Variants in BAMBI observed in about 807,000 individuals in gnomAD.
The protein encoded by BAMBI is BMP and activin membrane-bound inhibitor homolog.
A neutral mutation model predicts 24.1 loss-of-function variants in BAMBI; 21 were observed. The observed-to-expected ratio is 0.87, with a 90% CI of 0.62 to 1.26. The LOEUF (loss-of-function observed/expected upper bound fraction) is 1.26, where lower values mean the gene tolerates loss of function less well. BAMBI is among the 50% of genes most tolerant of loss of function. BAMBI has a pLI of 0.00. For synonymous variants in BAMBI, 156 were observed against 123.1 expected (o/e 1.27, Z -1.77); for missense variants, 388 against 329.1 (o/e 1.18, Z -1.38).
chr10:28,679,030 A>T lies in BAMBI; in HGVS notation c.76+1057A>T, dbSNP rs73609849. Among the ~76,000 whole-genome samples, 523 of 152,314 alleles carry T rather than the reference A, an allele frequency of 3.4e-3. 4 individuals are homozygous for T. The highest frequency in any genetic ancestry group is 0.012 in the African/African-American group (510 of 41,566). On this transcript the variant is annotated intron_variant, in intron 1 of 2. Transcript: ENST00000375533. ...CCCTACTTCTCTTTAATTGCTATGT[A>T]GCAGGCATGAGGTTAAAGCATAAGC...
intron 1 of BAMBI, among the ~76,000 whole-genome samples, chr10:28,678,571 G>C (rs1320898372): frequency 6.6e-6 from 1 of 152,100 alleles, no homozygotes; most frequent in Non-Finnish European, 1.5e-5. Context: ...CTGATCTTGA[G>C]TGTGTCTTTC....
chr10:28,682,718 C>T lies in BAMBI; in HGVS notation c.*317C>T, dbSNP rs770672471. ...AAAATGTGCCCTATGTAAGCTTCTA[C>T]ATCTTGATTTATTGTAAAGATTTAA... On this transcript the variant is annotated 3_prime_UTR_variant, in exon 3 of 3. Transcript: ENST00000375533. 3.0e-5 allele frequency: 7 copies of T among 231,814 alleles called. No individual in the cohort carries two copies. Among genetic ancestry groups the T allele is most frequent in the African/African-American group, 6.8e-5 (3 of 44,334 alleles). The allele number at this position is 231,814 out of a possible 1,614,324, so 14.4% of individuals were successfully genotyped here. A position where few individuals can be genotyped will look rare whatever the true frequency, so the allele number is the denominator to read the frequency against.
Position 28,677,788 on chromosome 10 carries a change from G to A in BAMBI, c.-110G>A, listed in dbSNP as rs909311238. 1 of 704,630 alleles carries A rather than the reference G, an allele frequency of 1.4e-6. No individual in the cohort carries two copies. The highest frequency in any genetic ancestry group is 1.9e-6 in the Non-Finnish European group (1 of 523,738). The allele number at this position is 704,630 out of a possible 1,614,324, so 43.6% of individuals were successfully genotyped here. A position where few individuals can be genotyped will look rare whatever the true frequency, so the allele number is the denominator to read the frequency against. On this transcript the variant is annotated 5_prime_UTR_variant, in exon 1 of 3. Transcript: ENST00000375533. ...GAAACCCAGCCCCGCCGCTGACGGC[G>A]CCCGCCGCTCCGGGCAGGGCCCATG... is the stretch of plus-strand genomic sequence containing the variant.
chr10:28,681,207 C>G, intron 1 of BAMBI, 51 bp from the exon 2 acceptor site: 1 of 1,571,134 alleles, frequency 6.4e-7, no homozygotes, highest in Non-Finnish European at 8.6e-7. Context: ...TAAATAGTTG[C>G]TTTATCTGGT....
intron 1 of BAMBI, among the ~76,000 whole-genome samples, chr10:28,680,588 T>C (rs184868701): frequency 3.5e-4 from 54 of 152,300 alleles, no homozygotes; most frequent in South Asian, 1.0e-3. Context: ...TGAAAGAAAT[T>C]GACTTTGGCA....
Position 28,681,534 on chromosome 10 carries a change from G to C in BAMBI, c.353G>C (p.Gly118Ala). 6.2e-7 allele frequency: 1 copy of C among 1,613,628 alleles called. No individual in the cohort carries two copies. Among genetic ancestry groups the C allele is most frequent in the Middle Eastern group, 1.6e-4 (1 of 6,062 alleles). The change falls in exon 2 of 3, where the codon GGT becomes GCT. Residue 118 changes from glycine to alanine, a missense_variant. Coordinates refer to ENST00000375533, the MANE Select transcript of BAMBI (RefSeq NM_012342.3). ...CACGATGTTCTCTCTCCTCCCAGGG[G>C]TGAGGCCTCAGGTAGGTGGAAGCCG... ...GLHDVLSPPR[G>A]EASGQGNRYQ...
intron 1 of BAMBI, among the ~76,000 whole-genome samples, chr10:28,678,968 A>G (rs571497536): frequency 6.6e-6 from 1 of 150,430 alleles, no homozygotes; most frequent in East Asian, 2.0e-4. Context: ...TGAACAGATA[A>G]TTTTTTTAAG....
Position 28,682,430 on chromosome 10 carries a change from A to G in BAMBI, c.*29A>G. ...AGTCTTATCTGAACTACACTTACTG[A>G]ACAGCTTGAAGGCCTTTTGAGTTCT... is the stretch of plus-strand genomic sequence containing the variant. On this transcript the variant is annotated 3_prime_UTR_variant, in exon 3 of 3. Coordinates refer to ENST00000375533, the MANE Select transcript of BAMBI (RefSeq NM_012342.3). 1 of 1,583,302 alleles carries G rather than the reference A, an allele frequency of 6.3e-7. No homozygotes were observed. The highest frequency in any genetic ancestry group is 8.6e-7 in the Non-Finnish European group (1 of 1,160,016).
chr10:28,681,107 G>A (rs1278976048), intron 1 of BAMBI, 151 bp from the exon 2 acceptor site: 3 of 735,312 alleles, frequency 4.1e-6, no homozygotes, highest in Non-Finnish European at 6.6e-6. Context: ...ACTGGCTGCA[G>A]GAAGGGCTTC....
chr10:28,679,638 A>G (rs1834476570), intron 1 of BAMBI, among the ~76,000 whole-genome samples: 1 of 152,172 alleles, frequency 6.6e-6, no homozygotes, highest in Admixed American at 6.5e-5. Flanking sequence ...GCAGCATTTT[A>G]CTTGTATTCA....
rs1052264223 is a variant in BAMBI at position 28,677,819 on chromosome 10, C to A, written c.-79C>A. The stretch of plus-strand genomic sequence containing the variant: ...CGCTCCGGGCAGGGCCCATGCCCTG[C>A]GCGCTCCGGGGGTCGTAGGCTGCCG... On this transcript the variant is annotated 5_prime_UTR_variant, in exon 1 of 3. The change creates a premature stop within an existing upstream ORF in the 5' untranslated region. Transcript: ENST00000375533. 1.6e-6 allele frequency: 2 copies of A among 1,212,854 alleles called. No homozygotes were observed. Among genetic ancestry groups the A allele is most frequent in the Non-Finnish European group, 2.2e-6 (2 of 922,246 alleles). 75.1% of individuals were successfully genotyped at this position (1,212,854 alleles called of 1,614,324 possible).
chr10:28,680,863 C>T (rs146907831), intron 1 of BAMBI, among the ~76,000 whole-genome samples: 107 of 152,082 alleles, frequency 7.0e-4, no homozygotes, highest in African/African-American at 2.4e-3. Flanking sequence ...TCAGTAGTTC[C>T]GATCAAATAT....
intron 2 of BAMBI, 48 bp downstream of exon 2, chr10:28,681,593 T>C (rs2132946653): frequency 6.3e-7 from 1 of 1,582,518 alleles, no homozygotes; most frequent in Non-Finnish European, 8.6e-7. Context: ...ATCTATAGAC[T>C]TGTGACAGCC....
At chr10:28,681,139 C>T (rs1228739494) in intron 1 of BAMBI, 119 bp from the exon 2 acceptor site, 1 of 1,012,534 alleles carries the variant, frequency 9.9e-7, no homozygotes, top group Admixed American at 2.5e-5. Context: ...TAGACTGGAG[C>T]CCTCAGCTTG....
intron 1 of BAMBI, among the ~76,000 whole-genome samples, chr10:28,680,506 G>A (rs372816572): frequency 2.1e-5 from 3 of 143,422 alleles, no homozygotes; most frequent in African/African-American, 7.4e-5. Flanking sequence ...TGTAAAACTT[G>A]TGAGGAGGAG....
In BAMBI at chr10:28,682,371, C is replaced by T. The variant is rs1834509157; in HGVS notation, c.753C>T (p.Tyr251=). 1.2e-6 allele frequency: 2 copies of T among 1,611,958 alleles called. No individual in the cohort carries two copies. Among genetic ancestry groups the T allele is most frequent in the Non-Finnish European group, 8.5e-7 (1 of 1,178,256 alleles). The change falls in exon 3 of 3, where the codon TAC becomes TAT. Residue 251 remains tyrosine (Y), a synonymous_variant. Coordinates refer to ENST00000375533, the MANE Select transcript of BAMBI (RefSeq NM_012342.3). ...TCTCGCTTGTTCACTGGGGCATGTA[C>T]AGTGGGCACGGGAAGCTGGAATTCG... is the stretch of plus-strand genomic sequence containing the variant. The part of the protein sequence containing the change: ...KILSLVHWGM[Y]SGHGKLEFV
rs1210005913 is a variant in BAMBI at position 28,677,635 on chromosome 10, C to T, written c.-263C>T. The T allele has an allele frequency of 2.5e-5, 6 of 236,648 alleles. No homozygotes were observed. Among genetic ancestry groups the T allele is most frequent in the Non-Finnish European group, 1.6e-5 (2 of 123,856 alleles). The allele number at this position is 236,648 out of a possible 1,614,324, so 14.7% of individuals were successfully genotyped here. ...GAAGGCCGGGAGCCCACTCCCGACC[C>T]GGGGCTAGCGTGCGTCCCTAGAGTC... On this transcript the variant is annotated 5_prime_UTR_variant, in exon 1 of 3. Coordinates refer to ENST00000375533, the MANE Select transcript of BAMBI (RefSeq NM_012342.3).
chr10:28,679,593 T>TAC (rs2078311409), intron 1 of BAMBI, among the ~76,000 whole-genome samples: 1 of 152,252 alleles, frequency 6.6e-6, no homozygotes, highest in South Asian at 2.1e-4. Context: ...AGGCTGTTTT[T>TAC]AGGTCATTGA....
At chr10:28,680,684 CA>C (rs1313016711) in intron 1 of BAMBI, among the ~76,000 whole-genome samples, 1 of 152,154 alleles carries the variant, frequency 6.6e-6, no homozygotes, top group Non-Finnish European at 1.5e-5. Context: ...TCTTTATAGG[CA>C]AAAAGTTTGC....
Sources: gnomAD v4.1 joint callset for allele counts (sites outside exome capture counted in the v4.1 genomes callset) on GRCh38, gnomAD v4.1.1 for gene constraint, MANE v1.5 for transcripts, NCBI Gene and HGNC (gene_info 2026-07-23, HGNC 2026-07-21) for gene names.